COL23A1: variants seen among roughly 807,000 people sequenced by gnomAD.
The protein encoded by COL23A1 is collagen type XXIII alpha 1 chain.
In COL23A1, 97 loss-of-function variants were observed where a neutral mutation model predicts 99.3. That is an observed-to-expected ratio of 0.98 (90% confidence interval 0.83 to 1.16). COL23A1 has a LOEUF of 1.16. Among genes scored for constraint, COL23A1 ranks in the 50% most tolerant of loss-of-function variants. COL23A1 has a pLI of 0.00. For synonymous variants in COL23A1, 320 were observed against 308.2 expected, an observed-to-expected ratio of 1.04 and a Z score of -0.40; for missense variants, 762 against 757.4, an observed-to-expected ratio of 1.01 and a Z score of -0.07.
intron 8 of COL23A1, among the ~76,000 whole-genome samples, chr5:178,264,712 A>T (rs2127556537): frequency 6.6e-6 from 1 of 152,280 alleles, no homozygotes; most frequent in East Asian, 1.9e-4. Flanking sequence ...GCTGGAGTGC[A>T]GTGGCGCAAT....
chr5:178,295,627 T>G (rs1314236872), intron 3 of COL23A1, among the ~76,000 whole-genome samples: 1 of 152,230 alleles, frequency 6.6e-6, no homozygotes, highest in Non-Finnish European at 1.5e-5. Context: ...CTCCTAGAAA[T>G]GTATTCTGCA....
chr5:178,560,735 A>T lies in COL23A1; in HGVS notation c.308T>A (p.Leu103Gln), dbSNP rs1429714943. 1.2e-5 allele frequency: 20 copies of T among 1,611,420 alleles called. No homozygotes were observed. Among genetic ancestry groups the T allele is most frequent in the Non-Finnish European group, 1.7e-5 (20 of 1,178,926 alleles). ...TTCCCGAGCAGTCCGGATCTTCGCTAGTCCGTCCAACTTCTGAGCCGGAAA... is the reference window on the plus strand; with the variant it reads ...TTCCCGAGCAGTCCGGATCTTCGCTTGTCCGTCCAACTTCTGAGCCGGAAA... ...ERLLREKLDG[L>Q]AKIRTAREAP... is the part of the protein sequence containing the mutation. The change falls in exon 2 of 29, where the codon CTA (leucine) becomes CAA (glutamine). Residue 103 changes from leucine to glutamine, a missense_variant. Transcript: ENST00000390654.
chr5:178,287,041 G>T (rs1323039417), intron 5 of COL23A1, among the ~76,000 whole-genome samples: 1 of 152,330 alleles, frequency 6.6e-6, no homozygotes, highest in South Asian at 2.1e-4. Context: ...GCCAAGATGC[G>T]GGGCTGAACT....
At chr5:178,404,083 C>T (rs1764618762) in intron 2 of COL23A1, among the ~76,000 whole-genome samples, 1 of 152,220 alleles carries the variant, frequency 6.6e-6, no homozygotes, top group South Asian at 2.1e-4. Flanking sequence ...TGGCCCTGCA[C>T]ACACCCTGCC....
At chr5:178,467,993 T>C (rs672680) in intron 2 of COL23A1, among the ~76,000 whole-genome samples, 10,381 of 152,042 alleles carry the variant, frequency 0.068, 1,152 homozygotes, top group African/African-American at 0.23. Flanking sequence ...GAGAAGGAAC[T>C]GGAAGGCGGC....
intron 2 of COL23A1, among the ~76,000 whole-genome samples, chr5:178,417,019 G>C (rs1765347921): frequency 6.6e-6 from 1 of 152,150 alleles, no homozygotes; most frequent in Non-Finnish European, 1.5e-5. Context: ...GAGACTTAGG[G>C]GCCTTGTGCA....
chr5:178,286,425 C>A (rs934928015), intron 5 of COL23A1, among the ~76,000 whole-genome samples: 12 of 152,182 alleles, frequency 7.9e-5, no homozygotes, highest in Non-Finnish European at 1.5e-4. Flanking sequence ...CGCCCCTTCT[C>A]CAGGCCAGGC....
At chr5:178,399,186 C>G (rs1227882845) in intron 2 of COL23A1, among the ~76,000 whole-genome samples, 1 of 152,214 alleles carries the variant, frequency 6.6e-6, no homozygotes, top group Non-Finnish European at 1.5e-5. Context: ...TGTGGTGTTT[C>G]TGAGCAGGAG....
intron 1 of COL23A1, among the ~76,000 whole-genome samples, chr5:178,583,128 G>A (rs1364305797): frequency 1.3e-5 from 2 of 152,222 alleles, no homozygotes; most frequent in African/African-American, 4.8e-5. Context: ...GAAGTAACTT[G>A]TAAAGCTGAC....
intron 2 of COL23A1, among the ~76,000 whole-genome samples, chr5:178,496,528 C>T (rs757705809): frequency 5.9e-5 from 9 of 152,168 alleles, no homozygotes; most frequent in Non-Finnish European, 1.2e-4. Flanking sequence ...TTTAAGAATA[C>T]ATGGGAAGAA....
chr5:178,261,856 A>G (rs1765643515), intron 10 of COL23A1, 108 bp from the exon 11 acceptor site: 1 of 984,732 alleles, frequency 1.0e-6, no homozygotes, highest in African/African-American at 1.6e-5. Flanking sequence ...CCCAGAGAGC[A>G]GGAGGCTGGG....
At chr5:178,523,195 T>G (rs1269753687) in intron 2 of COL23A1, among the ~76,000 whole-genome samples, 2,557 of 78,778 alleles carry the variant, frequency 0.032, 110 homozygotes, top group African/African-American at 0.09. Flanking sequence ...TATATATATA[T>G]ATATATAGAG....
At chr5:178,345,342 T>C (rs1350063818) in intron 2 of COL23A1, 1 of 513,126 alleles carries the variant, frequency 1.9e-6, no homozygotes, top group East Asian at 4.7e-5. Context: ...ATTGAAATCA[T>C]TTTTTTCCCT....
intron 2 of COL23A1, among the ~76,000 whole-genome samples, chr5:178,360,939 G>C (rs1003941424): frequency 6.6e-6 from 1 of 152,192 alleles, no homozygotes; most frequent in Non-Finnish European, 1.5e-5. Flanking sequence ...CGACGCTGAA[G>C]AACAACAGAA....
At chr5:178,497,567 A>G (rs190335577) in intron 2 of COL23A1, among the ~76,000 whole-genome samples, 2 of 152,348 alleles carry the variant, frequency 1.3e-5, no homozygotes, top group Admixed American at 6.5e-5. Flanking sequence ...CTCCATACCG[A>G]AATGACCAGA....
chr5:178,379,174 G>T (rs1763238213), intron 2 of COL23A1, among the ~76,000 whole-genome samples: 1 of 151,890 alleles, frequency 6.6e-6, no homozygotes, highest in South Asian at 2.1e-4. Flanking sequence ...AAATTATTGT[G>T]TATCTATGAG....
chr5:178,391,728 A>G (rs1397116212), intron 2 of COL23A1, among the ~76,000 whole-genome samples: 2 of 152,200 alleles, frequency 1.3e-5, no homozygotes, highest in Non-Finnish European at 2.9e-5. Context: ...TTCTGCTCCT[A>G]TTTACCCAAG....
At chr5:178,550,066 C>G (rs1212077446) in intron 2 of COL23A1, among the ~76,000 whole-genome samples, 2 of 152,128 alleles carry the variant, frequency 1.3e-5, no homozygotes, top group Non-Finnish European at 2.9e-5. Context: ...TTGCTTCTAG[C>G]AAATTACCAT....
At chr5:178,409,838 T>C (rs1764972844) in intron 2 of COL23A1, among the ~76,000 whole-genome samples, 2 of 152,186 alleles carry the variant, frequency 1.3e-5, no homozygotes, top group Admixed American at 6.5e-5. Flanking sequence ...ATTGGATGCC[T>C]ACCTCAGTCA....
Sources: allele counts gnomAD v4.1 joint callset (sites outside exome capture counted in the v4.1 genomes callset), GRCh38; gene constraint gnomAD v4.1.1; transcripts MANE v1.5; gene names NCBI Gene and HGNC (gene_info 2026-07-23, HGNC 2026-07-21).